The following TMEM38B variants were observed in gnomAD, a reference collection of about 807,000 sequenced individuals.
TMEM38B encodes the protein transmembrane protein 38B.
A neutral mutation model predicts 28.7 loss-of-function variants in TMEM38B; 24 were observed. The observed-to-expected ratio is 0.84, with a 90% CI of 0.61 to 1.18. TMEM38B has a LOEUF of 1.18. TMEM38B is among the 50% of genes most tolerant of loss of function. TMEM38B has a pLI of 0.00. For missense variants in TMEM38B, 380 were observed against 350.9 expected, an observed-to-expected ratio of 1.08 and a Z score of -0.66; for synonymous variants, 131 against 127.7, an observed-to-expected ratio of 1.03 and a Z score of -0.17.
rs1274125515 is a variant in TMEM38B at position 105,775,966 on chromosome 9, A to G, written c.*1886A>G. The G allele has an allele frequency of 6.6e-6, 1 of 152,208 alleles. No individual in the cohort carries two copies. The allele number at this position is 152,208 out of a possible 1,614,324, so 9.4% of individuals were successfully genotyped here. A position where few individuals can be genotyped will look rare whatever the true frequency, so the allele number is the denominator to read the frequency against. On this transcript the variant is annotated 3_prime_UTR_variant, in exon 6 of 6. Transcript: ENST00000374692. ...CTTTATTAATCTATGCAAGTATCCT[A>G]TAACCCTCAATTCAAGGCTCTTTTG...
At chr9:105,713,432 T>C (rs573974659) in intron 2 of TMEM38B, among the ~76,000 whole-genome samples, 5 of 152,316 alleles carry the variant, frequency 3.3e-5, no homozygotes, top group African/African-American at 1.2e-4. Flanking sequence ...GGGTTGGGGC[T>C]GAGCCTAGGC....
intron 5 of TMEM38B, among the ~76,000 whole-genome samples, chr9:105,752,069 A>T (rs1234978346): frequency 3.9e-5 from 6 of 152,100 alleles, no homozygotes; most frequent in African/African-American, 1.4e-4. Context: ...GCTTTGCTAG[A>T]TCATTACCAG....
intron 1 of TMEM38B, among the ~76,000 whole-genome samples, chr9:105,698,377 G>A (rs758199834): frequency 3.9e-5 from 6 of 152,018 alleles, no homozygotes; most frequent in African/African-American, 7.2e-5. Context: ...GACACTTTAA[G>A]GAAGTTTTAC....
At chr9:105,741,975 G>T (rs1289895646) in intron 4 of TMEM38B, among the ~76,000 whole-genome samples, 2 of 152,182 alleles carry the variant, frequency 1.3e-5, no homozygotes, top group African/African-American at 4.8e-5. Flanking sequence ...TAGAGAGGAG[G>T]TTATACAAGA....
At chr9:105,750,221 A>C (rs59747314) in intron 5 of TMEM38B, among the ~76,000 whole-genome samples, 5,228 of 152,010 alleles carry the variant, frequency 0.034, 238 homozygotes, top group African/African-American at 0.1. Flanking sequence ...AATTCTTTTC[A>C]TATTTTGGAT....
chr9:105,720,427 T>C (rs1836275474), intron 2 of TMEM38B, among the ~76,000 whole-genome samples: 1 of 152,086 alleles, frequency 6.6e-6, no homozygotes, highest in Admixed American at 6.5e-5. Flanking sequence ...CATCAGAATG[T>C]AGTCTGAGCT....
intron 5 of TMEM38B, chr9:105,760,452 A>G (rs982800728): frequency 8.1e-6 from 6 of 739,896 alleles, no homozygotes; most frequent in African/African-American, 1.7e-5. Flanking sequence ...GAGATGGACT[A>G]TTTGTTCCTT....
At chr9:105,772,178 C>T (rs1463843291) in intron 5 of TMEM38B, among the ~76,000 whole-genome samples, 1 of 152,166 alleles carries the variant, frequency 6.6e-6, no homozygotes, top group Non-Finnish European at 1.5e-5. Flanking sequence ...CTGCTCAGCT[C>T]TTTGGCCTCT....
chr9:105,773,492 A>G (rs1826626253), intron 5 of TMEM38B, among the ~76,000 whole-genome samples: 1 of 152,190 alleles, frequency 6.6e-6, no homozygotes. Flanking sequence ...TAATAATAGA[A>G]TAGTTGTTGG....
intron 2 of TMEM38B, among the ~76,000 whole-genome samples, chr9:105,716,585 T>C (rs1836104937): frequency 8.3e-6 from 1 of 120,498 alleles, no homozygotes; most frequent in African/African-American, 3.8e-5. Context: ...TGTCACATAG[T>C]TTTGTTGTAA....
chr9:105,766,464 G>A (rs1826373713), intron 5 of TMEM38B, among the ~76,000 whole-genome samples: 1 of 152,084 alleles, frequency 6.6e-6, no homozygotes, highest in African/African-American at 2.4e-5. Context: ...TATTATTATT[G>A]AGTTGTAACA....
Position 105,760,123 on chromosome 9 carries a change from C to T in TMEM38B, c.660+11933C>T, listed in dbSNP as rs1247735435. 13 of 885,162 alleles carry T rather than the reference C, an allele frequency of 1.5e-5. No homozygotes were observed. The Admixed American group carries it at 2.1e-4, about 14-fold the overall frequency. 54.8% of individuals were successfully genotyped at this position (885,162 alleles called of 1,614,324 possible). On this transcript the variant is annotated intron_variant, in intron 5 of 5. Coordinates refer to ENST00000374692, the MANE Select transcript of TMEM38B (RefSeq NM_018112.3). The stretch of plus-strand genomic sequence containing the variant: ...AGAGAGGGTTGCCATCGATGCGCTA[C>T]AATTGTGTCGTTTGTTACTTCCGCC...
At chr9:105,705,858 A>G in intron 2 of TMEM38B, 105 bp downstream of exon 2, 4 of 1,243,306 alleles carry the variant, frequency 3.2e-6, no homozygotes, top group Non-Finnish European at 4.4e-6. Flanking sequence ...CGTGCTTGAA[A>G]AGTTAATGCA....
chr9:105,730,531 CTT>C lies in TMEM38B; in HGVS notation c.542+7912_542+7913del, dbSNP rs565714194. ...ATCAGGGATATTGGCCTAAAATTCT[CTT>C]TATTCGTTGTTGCCAGGCTTTGGTA... On this transcript the variant is annotated intron_variant, in intron 4 of 5. Transcript: ENST00000374692. Among the ~76,000 whole-genome samples, 21 of 152,156 alleles carry C rather than the reference CTT, an allele frequency of 1.4e-4. 1 individual carries two copies. The South Asian group carries it at 4.4e-3, about 32-fold the overall frequency.
At chr9:105,729,728 T>C (rs913504994) in intron 4 of TMEM38B, among the ~76,000 whole-genome samples, 5 of 152,118 alleles carry the variant, frequency 3.3e-5, no homozygotes, top group Non-Finnish European at 7.4e-5. Context: ...GAATGTTCTT[T>C]CATTTGTTTG....
chr9:105,759,590 T>C (rs1837960706), intron 5 of TMEM38B: 4 of 1,559,332 alleles, frequency 2.6e-6, no homozygotes, highest in Non-Finnish European at 3.5e-6. Flanking sequence ...TTGGAAGGAA[T>C]TGTAGATGTG....
chr9:105,748,424 G>A (rs932952073), intron 5 of TMEM38B, among the ~76,000 whole-genome samples: 3 of 152,166 alleles, frequency 2.0e-5, no homozygotes, highest in African/African-American at 7.2e-5. Context: ...TAGCCTAGTA[G>A]TATATTGGAG....
chr9:105,771,767 C>T (rs527745993), intron 5 of TMEM38B, among the ~76,000 whole-genome samples: 1 of 152,274 alleles, frequency 6.6e-6, no homozygotes, highest in South Asian at 2.1e-4. Context: ...CAGGTGTGTA[C>T]ACTCATTTAT....
At chr9:105,720,051 A>G (rs1468712261) in intron 2 of TMEM38B, among the ~76,000 whole-genome samples, 3 of 152,082 alleles carry the variant, frequency 2.0e-5, no homozygotes, top group Non-Finnish European at 4.4e-5. Context: ...AAATCATACT[A>G]GTTGTTTTTA....
Sources: allele counts gnomAD v4.1 joint callset (sites outside exome capture counted in the v4.1 genomes callset), GRCh38; gene constraint gnomAD v4.1.1; transcripts MANE v1.5; gene names NCBI Gene and HGNC (gene_info 2026-07-23, HGNC 2026-07-21).